The following UBFD1 variants were observed in gnomAD, a reference collection of about 807,000 sequenced individuals.
UBFD1 encodes the protein ubiquitin domain-containing protein UBFD1.
In UBFD1, 12 loss-of-function variants were observed where a neutral mutation model predicts 35.1. That is an observed-to-expected ratio of 0.34 (90% CI 0.22 to 0.55). UBFD1 has a LOEUF of 0.55. UBFD1 is among the 20% of genes least tolerant of loss of function. UBFD1 has a pLI of 0.89. For synonymous variants in UBFD1, 178 were observed against 167.6 expected (o/e 1.06, Z -0.48); for missense variants, 337 against 410.8 (o/e 0.82, Z 1.55).
chr16:23,562,323 T>G (rs1245660103), intron 4 of UBFD1, 52 bp downstream of exon 4: 2 of 1,539,978 alleles, frequency 1.3e-6, no homozygotes, highest in Non-Finnish European at 1.8e-6. Flanking sequence ...CCCCACCGTC[T>G]GACTTGAGGT....
At position 23,572,177 on chromosome 16, in the gene UBFD1, G is replaced by A. The variant is rs1966094328; in HGVS notation, c.*1587G>A. ...ACATAGACAGACTCTTGCTTTCCAT[G>A]GTGTAGTCAATGCCAAGTGATGCAT... On this transcript the variant is annotated 3_prime_UTR_variant, in exon 7 of 7. Transcript: ENST00000395878. The A allele has an allele frequency of 6.6e-6, 1 of 152,636 alleles. No homozygotes were observed. The highest frequency in any genetic ancestry group is 1.5e-5 in the Non-Finnish European group (1 of 68,042). 9.5% of individuals were successfully genotyped at this position (152,636 alleles called of 1,614,324 possible). A position where few individuals can be genotyped will look rare whatever the true frequency, so the allele number is the denominator to read the frequency against.
At chr16:23,560,024 T>A in intron 3 of UBFD1, 1 of 341,618 alleles carries the variant, frequency 2.9e-6, no homozygotes. Context: ...TTTGTACAAG[T>A]GCTTACATTT....
intron 6 of UBFD1, among the ~76,000 whole-genome samples, chr16:23,568,247 C>T (rs1966037955): frequency 6.7e-6 from 1 of 150,008 alleles, no homozygotes; most frequent in African/African-American, 2.5e-5. Context: ...GCAGCCTCTG[C>T]CTCCCAGGTT....
rs1375612309 is a variant in UBFD1 at position 23,558,313 on chromosome 16, C to A, written c.355+34C>A. The A allele has an allele frequency of 3.1e-6, 5 of 1,593,038 alleles. No individual in the cohort carries two copies. In the East Asian group the frequency reaches 1.2e-4, roughly 38 times the overall value. On this transcript the variant is annotated intron_variant, in intron 2 of 6. Transcript: ENST00000395878. ...TGTGGCGCTGACAGCCAGTCTTCCC[C>A]ACCCCGCCTCCTGATGGCCCTTGCA...
Position 23,572,129 on chromosome 16 carries a change from G to A in UBFD1, c.*1539G>A, listed in dbSNP as rs1281544272. ...GATATTCTACGCCCTTCCCTTCTAA[G>A]CTGTAGTTCAGGAATCCAGCCCACA... On this transcript the variant is annotated 3_prime_UTR_variant, in exon 7 of 7. Coordinates refer to ENST00000395878, the MANE Select transcript of UBFD1 (RefSeq NM_019116.3). The A allele has an allele frequency of 6.6e-6, 1 of 152,638 alleles. No individual in the cohort carries two copies. Among genetic ancestry groups the A allele is most frequent in the African/African-American group, 2.4e-5 (1 of 41,452 alleles). 9.5% of individuals were successfully genotyped at this position (152,638 alleles called of 1,614,324 possible). A position where few individuals can be genotyped will look rare whatever the true frequency, so the allele number is the denominator to read the frequency against.
At chr16:23,566,713 T>C (rs1323376486) in intron 5 of UBFD1, 2 of 321,606 alleles carry the variant, frequency 6.2e-6, no homozygotes, top group African/African-American at 4.2e-5. Flanking sequence ...TAAAAAATAA[T>C]CCCAGGGAAG....
In UBFD1 at chr16:23,570,558, G is replaced by A; in HGVS notation, c.898G>A (p.Asp300Asn). 1 of 1,614,070 alleles carries A rather than the reference G, an allele frequency of 6.2e-7. No individual in the cohort carries two copies. Among genetic ancestry groups the A allele is most frequent in the Non-Finnish European group, 8.5e-7 (1 of 1,179,996 alleles). The change falls in exon 7 of 7, where the codon GAC (aspartate) becomes AAC (asparagine). Residue 300 changes from aspartate to asparagine, a missense_variant. By Grantham distance (23) the Asp-to-Asn change is conservative (BLOSUM62 1). This residue lies in a region of UBFD1 where 71 missense variants were observed against 149.6 expected (regional missense o/e 0.47). Transcript: ENST00000395878. ...AACTCAATATGTGGATGCAATCAAA[G>A]ACACTGTGCTGGGGAAATGGCAGTA... ...VPTQYVDAIK[D>N]TVLGKWQYF
rs1377473297 is a variant in UBFD1, at chr16:23,572,094, A to G, written c.*1504A>G. ...CCAAGATGACTATTCCTTGTGAGCC[A>G]GTTAATGATGATATTCTACGCCCTT... On this transcript the variant is annotated 3_prime_UTR_variant, in exon 7 of 7. Coordinates refer to ENST00000395878, the MANE Select transcript of UBFD1 (RefSeq NM_019116.3). 1 of 152,686 alleles carries G rather than the reference A, an allele frequency of 6.5e-6. No homozygotes were observed. The highest frequency in any genetic ancestry group is 1.5e-5 in the Non-Finnish European group (1 of 68,048). 9.5% of individuals were successfully genotyped at this position (152,686 alleles called of 1,614,324 possible). A position where few individuals can be genotyped will look rare whatever the true frequency, so the allele number is the denominator to read the frequency against.
chr16:23,564,187 T>C (rs1965978863), intron 5 of UBFD1: 1 of 152,228 alleles, frequency 6.6e-6, no homozygotes, highest in Admixed American at 6.5e-5. Context: ...TTAGTGAGAC[T>C]CCACTTAAAA....
At position 23,573,098 on chromosome 16, in the gene UBFD1, CTTTCTT is replaced by C. The variant is rs1357576591; in HGVS notation, c.*2511_*2516del. The C allele has an allele frequency of 6.6e-6, 1 of 152,160 alleles. No individual in the cohort carries two copies. The highest frequency in any genetic ancestry group is 1.5e-5 in the Non-Finnish European group (1 of 68,022). 9.4% of individuals were successfully genotyped at this position (152,160 alleles called of 1,614,324 possible). ...ATCTGTGTAAGCAAATTGAAATACT[CTTTCTT>C]TTAGGTAGCGTCACAGTGGTTTTTT... On this transcript the variant is annotated 3_prime_UTR_variant, in exon 7 of 7. Coordinates refer to ENST00000395878, the MANE Select transcript of UBFD1 (RefSeq NM_019116.3).
Position 23,558,153 on chromosome 16 carries a change from G to T in UBFD1, c.229G>T (p.Ala77Ser). 2 of 1,605,094 alleles carry T rather than the reference G, an allele frequency of 1.2e-6. No homozygotes were observed. The highest frequency in any genetic ancestry group is 1.7e-6 in the Non-Finnish European group (2 of 1,176,640). The change falls in exon 2 of 7, where the codon GCG becomes TCG. Residue 77 changes from alanine to serine, a missense_variant. Ala to Ser is a moderately conservative substitution (Grantham distance 99, BLOSUM62 1). Coordinates refer to ENST00000395878, the MANE Select transcript of UBFD1 (RefSeq NM_019116.3). ...GGCCTCGGTCAGCAACGGCGAAGACGCGGGCGGCGGCGCGGGCAGGGAGCT... is the reference window on the plus strand; with the variant it reads ...GGCCTCGGTCAGCAACGGCGAAGACTCGGGCGGCGGCGCGGGCAGGGAGCT... ...AQASVSNGED[A>S]GGGAGRELVD...
chr16:23,571,338 A>G lies in UBFD1; in HGVS notation c.*748A>G, dbSNP rs1966082083. 6.6e-6 allele frequency: 1 copy of G among 152,668 alleles called. No individual in the cohort carries two copies. Among genetic ancestry groups the G allele is most frequent in the Non-Finnish European group, 1.5e-5 (1 of 68,062 alleles). The allele number at this position is 152,668 out of a possible 1,614,324, so 9.5% of individuals were successfully genotyped here. Reference sequence around the variant, plus strand: ...CTTGCTGTGGTGTTCGTTGAGCAGCAGAGTATCTCCCAGTGACTCCTGTTT... The same window carrying G: ...CTTGCTGTGGTGTTCGTTGAGCAGCGGAGTATCTCCCAGTGACTCCTGTTT... On this transcript the variant is annotated 3_prime_UTR_variant, in exon 7 of 7. Transcript: ENST00000395878.
At chr16:23,562,429 G>A (rs1178299609) in intron 4 of UBFD1, among the ~76,000 whole-genome samples, 158 bp downstream of exon 4, 1 of 151,464 alleles carries the variant, frequency 6.6e-6, no homozygotes, top group Admixed American at 6.6e-5. Flanking sequence ...CACCACACCT[G>A]GCTAATTTTT....
At chr16:23,558,804 G>A (rs1006012593) in intron 2 of UBFD1, among the ~76,000 whole-genome samples, 2 of 147,734 alleles carry the variant, frequency 1.4e-5, no homozygotes, top group Non-Finnish European at 3.0e-5. Context: ...TTTTTGAGAC[G>A]GAGTCTTGCT....
At chr16:23,561,048 A>G (rs745796071) in intron 3 of UBFD1, among the ~76,000 whole-genome samples, 16 of 152,240 alleles carry the variant, frequency 1.1e-4, no homozygotes, top group Non-Finnish European at 2.1e-4. Context: ...TCCACAGTAC[A>G]GGAAATCTTG....
At chr16:23,566,667 T>C in intron 5 of UBFD1, 1 of 216,370 alleles carries the variant, frequency 4.6e-6, no homozygotes, top group South Asian at 9.6e-5. Flanking sequence ...CCACCGCGCC[T>C]GGCCTTTCTT....
intron 4 of UBFD1, 54 bp from the exon 5 acceptor site, chr16:23,562,571 T>C: frequency 6.4e-7 from 1 of 1,560,744 alleles, no homozygotes; most frequent in South Asian, 1.1e-5. Context: ...CTTGGCCCCC[T>C]TCTCTTTTTT....
chr16:23,572,872 A>G lies in UBFD1; in HGVS notation c.*2282A>G, dbSNP rs1966104660. 6.6e-6 allele frequency: 1 copy of G among 152,338 alleles called. No individual in the cohort carries two copies. Among genetic ancestry groups the G allele is most frequent in the Non-Finnish European group, 1.5e-5 (1 of 68,040 alleles). 9.4% of individuals were successfully genotyped at this position (152,338 alleles called of 1,614,324 possible). ...AGAGCTCACTAAATCAGCTTCAACA[A>G]TCTTGAGCTCTGTGGCTCCTCACCC... On this transcript the variant is annotated 3_prime_UTR_variant, in exon 7 of 7. Transcript: ENST00000395878.
Position 23,559,448 on chromosome 16 carries a change from A to G in UBFD1, c.356-20A>G. ...CTGTCCTTCCTTCCTTTCACTGTCC[A>G]CCTTCTACCTTTTCCCAAGGTCTCC... is the stretch of plus-strand genomic sequence containing the variant. On this transcript the variant is annotated intron_variant, in intron 2 of 6. Coordinates refer to ENST00000395878, the MANE Select transcript of UBFD1 (RefSeq NM_019116.3). 2 of 1,607,646 alleles carry G rather than the reference A, an allele frequency of 1.2e-6. No individual in the cohort carries two copies. Among genetic ancestry groups the G allele is most frequent in the African/African-American group, 1.3e-5 (1 of 74,794 alleles).
Sources: allele counts gnomAD v4.1 joint callset (sites outside exome capture counted in the v4.1 genomes callset), GRCh38; gene constraint gnomAD v4.1.1; regional missense constraint gnomAD v4.1.1; transcripts MANE v1.5; gene names NCBI Gene and HGNC (gene_info 2026-07-23, HGNC 2026-07-21).